Variants in OSBPL1A observed in about 807,000 individuals in gnomAD.
The protein encoded by OSBPL1A is oxysterol binding protein like 1A, also known as oxysterol-binding protein-related protein 1.
In OSBPL1A, 80 loss-of-function variants were observed where a neutral mutation model predicts 137.1. The observed-to-expected ratio is 0.58, with a 90% CI of 0.49 to 0.70. The LOEUF (loss-of-function observed/expected upper bound fraction) is 0.70, where lower values mean the gene tolerates loss of function less well. Among genes scored for constraint, OSBPL1A ranks in the 30% least tolerant of loss-of-function variants. The pLI is 0.00. For synonymous variants in OSBPL1A, 365 were observed against 389.7 expected (o/e 0.94, Z 0.75); for missense variants, 970 against 1,129.4 (o/e 0.86, Z 2.02).
At chr18:24,175,247 G>A (rs531357759) in intron 21 of OSBPL1A, among the ~76,000 whole-genome samples, 53 of 143,444 alleles carry the variant, frequency 3.7e-4, no homozygotes, top group African/African-American at 1.2e-3. Context: ...ATACAATGGC[G>A]CAATCATGGC....
chr18:24,287,540 A>G (rs2090087408), intron 14 of OSBPL1A, among the ~76,000 whole-genome samples: 1 of 152,148 alleles, frequency 6.6e-6, no homozygotes, highest in Non-Finnish European at 1.5e-5. Flanking sequence ...TGGGAGGCCA[A>G]GGCAGGCAGA....
intron 17 of OSBPL1A, among the ~76,000 whole-genome samples, chr18:24,200,362 G>C (rs2087182046): frequency 6.6e-6 from 1 of 152,074 alleles, no homozygotes; most frequent in Non-Finnish European, 1.5e-5. Flanking sequence ...TGGAGTTCGA[G>C]ACCAGCCTGG....
chr18:24,338,783 G>A (rs765277692), intron 5 of OSBPL1A, among the ~76,000 whole-genome samples: 6 of 152,000 alleles, frequency 3.9e-5, no homozygotes, highest in Non-Finnish European at 5.9e-5. Flanking sequence ...GCACAATCTC[G>A]GCTCACTGCA....
chr18:24,330,969 A>G (rs190783177), intron 7 of OSBPL1A, among the ~76,000 whole-genome samples: 203 of 151,544 alleles, frequency 1.3e-3, no homozygotes, highest in African/African-American at 4.4e-3. Context: ...TAATTTTTGT[A>G]TTTTTAGTAG....
chr18:24,267,387 A>T (rs989805691), intron 15 of OSBPL1A, among the ~76,000 whole-genome samples: 7 of 152,120 alleles, frequency 4.6e-5, no homozygotes, highest in African/African-American at 1.7e-4. Context: ...TCAATTTTAT[A>T]CAAAACAGCA....
At chr18:24,273,663 C>T (rs1194393789) in intron 15 of OSBPL1A, among the ~76,000 whole-genome samples, 2 of 152,150 alleles carry the variant, frequency 1.3e-5, no homozygotes, top group African/African-American at 4.8e-5. Context: ...ATGCCAAGTA[C>T]CATGCTACAA....
intron 18 of OSBPL1A, among the ~76,000 whole-genome samples, chr18:24,187,858 G>A (rs1468687346): frequency 6.6e-6 from 1 of 152,194 alleles, no homozygotes; most frequent in African/African-American, 2.4e-5. Context: ...GGCCAGGAGG[G>A]ATCCAAACAC....
chr18:24,302,139 C>T (rs1227259762), intron 14 of OSBPL1A, among the ~76,000 whole-genome samples: 6 of 149,878 alleles, frequency 4.0e-5, no homozygotes, highest in Non-Finnish European at 8.9e-5. Flanking sequence ...GAGGCTGAGG[C>T]AGGAGAATGG....
At chr18:24,239,451 G>A in intron 15 of OSBPL1A, 69 bp from the exon 16 acceptor site, 3 of 1,397,686 alleles carry the variant, frequency 2.1e-6, no homozygotes, top group Non-Finnish European at 3.0e-6. Context: ...CAGAGGATGT[G>A]AAAATTAATT....
intron 18 of OSBPL1A, among the ~76,000 whole-genome samples, chr18:24,187,218 G>C (rs543943738): frequency 6.6e-6 from 1 of 152,230 alleles, no homozygotes; most frequent in African/African-American, 2.4e-5. Flanking sequence ...GTAGAATGGT[G>C]GTTGCCGGGC....
chr18:24,167,225 C>A lies in OSBPL1A; in HGVS notation c.2535+104G>T, dbSNP rs959172499. Reference sequence around the variant, plus strand: ...GCCAGTGGGGGCTCAGGATGCCAACCTGCCTGTCTCCATGCTGCCTGGGCC... The same window carrying A: ...GCCAGTGGGGGCTCAGGATGCCAACATGCCTGTCTCCATGCTGCCTGGGCC... On this transcript the variant is annotated intron_variant, in intron 25 of 27. Coordinates refer to ENST00000319481, the MANE Select transcript of OSBPL1A (RefSeq NM_080597.4). 1.9e-5 allele frequency: 20 copies of A among 1,052,754 alleles called. No individual in the cohort carries two copies. In the African/African-American group the frequency reaches 2.7e-4, roughly 14 times the overall value. 65.2% of individuals were successfully genotyped at this position (1,052,754 alleles called of 1,614,324 possible). A position where few individuals can be genotyped will look rare whatever the true frequency, so the allele number is the denominator to read the frequency against.
At chr18:24,182,551 A>AT (rs2086635252) in intron 18 of OSBPL1A, among the ~76,000 whole-genome samples, 2 of 152,244 alleles carry the variant, frequency 1.3e-5, no homozygotes, top group South Asian at 4.1e-4. Context: ...TCCCACTGAG[A>AT]TTTTCAATTA....
At chr18:24,384,690 T>C (rs1417119029) in intron 1 of OSBPL1A, among the ~76,000 whole-genome samples, 1 of 151,172 alleles carries the variant, frequency 6.6e-6, no homozygotes, top group African/African-American at 2.4e-5. Context: ...GCCAACATGG[T>C]GAAACCCCGT....
intron 21 of OSBPL1A, among the ~76,000 whole-genome samples, chr18:24,175,614 A>G (rs534114986): frequency 6.6e-6 from 1 of 152,362 alleles, no homozygotes; most frequent in African/African-American, 2.4e-5. Flanking sequence ...TCTGAACAGT[A>G]TCTTTCGATA....
At chr18:24,254,478 AAG>A (rs2089208376) in intron 15 of OSBPL1A, among the ~76,000 whole-genome samples, 1 of 152,258 alleles carries the variant, frequency 6.6e-6, no homozygotes, top group African/African-American at 2.4e-5. Context: ...CATACAGAAA[AAG>A]AGAATAATAT....
At chr18:24,307,811 T>G (rs2146107303) in intron 13 of OSBPL1A, among the ~76,000 whole-genome samples, 1 of 152,306 alleles carries the variant, frequency 6.6e-6, no homozygotes, top group South Asian at 2.1e-4. Flanking sequence ...TGAGAGAGGC[T>G]GGCTCTATCA....
At chr18:24,248,058 T>A (rs890465557) in intron 15 of OSBPL1A, among the ~76,000 whole-genome samples, 12 of 152,228 alleles carry the variant, frequency 7.9e-5, no homozygotes, top group African/African-American at 2.4e-4. Flanking sequence ...TCCACTAGTA[T>A]ACAGCTGGCC....
intron 7 of OSBPL1A, among the ~76,000 whole-genome samples, chr18:24,328,216 G>GTTTTTTTTTT (rs1292001089): frequency 4.2e-5 from 2 of 47,588 alleles, no homozygotes; most frequent in East Asian, 8.8e-4. Context: ...CTAATTTTTT[G>GTTTTTTTTTT]TATTTTTTTT....
At chr18:24,164,390 C>T (rs2086090634) in intron 27 of OSBPL1A, among the ~76,000 whole-genome samples, 1 of 149,932 alleles carries the variant, frequency 6.7e-6, no homozygotes, top group Admixed American at 6.6e-5. Context: ...ATTAGTACAG[C>T]CATTATGGAA....
Sources: allele counts gnomAD v4.1 joint callset (sites outside exome capture counted in the v4.1 genomes callset), GRCh38; gene constraint gnomAD v4.1.1; transcripts MANE v1.5; gene names NCBI Gene and HGNC (gene_info 2026-07-23, HGNC 2026-07-21).